Variants in RFX3 observed in about 807,000 individuals in gnomAD.
RFX3 encodes the protein transcription factor RFX3.
Under a neutral mutation model 98.6 loss-of-function variants are expected in RFX3, and 14 were observed. The ratio of observed to expected loss-of-function variants is 0.14; its 90% CI spans 0.09 to 0.22. RFX3 has a LOEUF of 0.22. RFX3 is among the 10% of genes least tolerant of loss of function. The pLI is 1.00. For synonymous variants in RFX3, 383 were observed against 328.4 expected, an observed-to-expected ratio of 1.17 and a Z score of -1.80; for missense variants, 639 against 926.9, an observed-to-expected ratio of 0.69 and a Z score of 4.03.
At chr9:3,387,366 A>G (rs1171334615) in intron 2 of RFX3, among the ~76,000 whole-genome samples, 1 of 152,132 alleles carries the variant, frequency 6.6e-6, no homozygotes, top group African/African-American at 2.4e-5. Context: ...CTAACTCTGG[A>G]TAAAAAAAAA....
intron 1 of RFX3, among the ~76,000 whole-genome samples, chr9:3,398,614 G>A (rs1841142589): frequency 6.6e-6 from 1 of 152,094 alleles, no homozygotes; most frequent in South Asian, 2.1e-4. Context: ...CCTTTAAGCT[G>A]TTCAACTAAG....
chr9:3,463,532 A>G (rs902705369), intron 1 of RFX3, among the ~76,000 whole-genome samples: 5 of 152,164 alleles, frequency 3.3e-5, no homozygotes, highest in Admixed American at 6.5e-5. Context: ...ATTCTTTGAA[A>G]AGGCACACTT....
intron 4 of RFX3, among the ~76,000 whole-genome samples, chr9:3,325,905 T>C (rs904406468): frequency 6.6e-6 from 1 of 152,140 alleles, no homozygotes; most frequent in Non-Finnish European, 1.5e-5. Flanking sequence ...TATGTTGATA[T>C]AGTTAGAAGA....
At chr9:3,256,956 TGAA>T in intron 14 of RFX3, 32 bp downstream of exon 14, 1 of 1,571,760 alleles carries the variant, frequency 6.4e-7, no homozygotes, top group South Asian at 1.1e-5. Context: ...TTGCAGAATA[TGAA>T]GAAGAAAGCC....
chr9:3,484,134 G>T (rs1850048960), intron 1 of RFX3, among the ~76,000 whole-genome samples: 1 of 152,178 alleles, frequency 6.6e-6, no homozygotes, highest in Non-Finnish European at 1.5e-5. Context: ...ATCTCACTTA[G>T]TTCAGGTTTT....
At chr9:3,518,220 G>A (rs1025929537) in intron 1 of RFX3, among the ~76,000 whole-genome samples, 6 of 152,142 alleles carry the variant, frequency 3.9e-5, no homozygotes, top group Non-Finnish European at 5.9e-5. Context: ...GTAATTCTCA[G>A]AACATATCCA....
rs568602891 is a variant in RFX3 at position 3,392,057 on chromosome 9, C to A, written c.117+3415G>T. Among the ~76,000 whole-genome samples the A allele has an allele frequency of 4.6e-5, 7 of 152,250 alleles. No individual in the cohort carries two copies. In the East Asian group the frequency reaches 1.2e-3, roughly 25 times the overall value. ...GACAAGTCTTCTTAAAAAAATTGAC[C>A]AGCCAAAGAGGGCAAACAAAGATAC... On this transcript the variant is annotated intron_variant, in intron 2 of 16. Transcript: ENST00000617270.
chr9:3,335,434 T>G (rs1833056658), intron 3 of RFX3, among the ~76,000 whole-genome samples: 1 of 152,212 alleles, frequency 6.6e-6, no homozygotes, highest in South Asian at 2.1e-4. Context: ...AATATATTCT[T>G]CATATGAGTT....
intron 4 of RFX3, among the ~76,000 whole-genome samples, chr9:3,329,450 C>T (rs186175127): frequency 7.4e-6 from 1 of 134,912 alleles, no homozygotes; most frequent in Admixed American, 7.4e-5. Context: ...CAAACAATAA[C>T]CCACTGTGTT....
At chr9:3,496,883 A>C (rs1851142773) in intron 1 of RFX3, among the ~76,000 whole-genome samples, 1 of 152,042 alleles carries the variant, frequency 6.6e-6, no homozygotes, top group African/African-American at 2.4e-5. Context: ...TGTATGTGGA[A>C]CTGGCATACA....
At chr9:3,339,345 T>C (rs3012713) in intron 3 of RFX3, among the ~76,000 whole-genome samples, 26,594 of 152,072 alleles carry the variant, frequency 0.17, 2,389 homozygotes, top group Middle Eastern at 0.22. Context: ...AATGGCATTA[T>C]AAAAGATTTG....
intron 11 of RFX3, among the ~76,000 whole-genome samples, chr9:3,269,708 G>T (rs1469688065): frequency 6.6e-6 from 1 of 152,096 alleles, no homozygotes; most frequent in Non-Finnish European, 1.5e-5. Flanking sequence ...TTCATAGTGG[G>T]ATTACAATGC....
At position 3,434,316 on chromosome 9, in the gene RFX3, T is replaced by C. The variant is rs1004607034; in HGVS notation, c.-8-38720A>G. On this transcript the variant is annotated intron_variant, in intron 1 of 16. Coordinates refer to ENST00000617270, the MANE Select transcript of RFX3 (RefSeq NM_001282116.2). ...TAACAGAATATACCACTCTGCCTTATATCATTATTAAGTGTGTCATCCTTT... is the reference window on the plus strand; with the variant it reads ...TAACAGAATATACCACTCTGCCTTACATCATTATTAAGTGTGTCATCCTTT... 5.3e-5 allele frequency among the ~76,000 whole-genome samples: 8 copies of C among 152,166 alleles called. No homozygotes were observed. In the South Asian group the frequency reaches 1.4e-3, roughly 28 times the overall value.
rs1452236886 is a variant in RFX3, at chr9:3,235,542, A to G, written c.1969-6653T>C. On this transcript the variant is annotated intron_variant, in intron 15 of 16. Coordinates refer to ENST00000617270, the MANE Select transcript of RFX3 (RefSeq NM_001282116.2). Reference sequence around the variant, plus strand: ...TGTCATTCTGGAGGTCAGAAGTTCTAAATGGGTTTGCAGTCACTAAAATCA... The same window carrying G: ...TGTCATTCTGGAGGTCAGAAGTTCTGAATGGGTTTGCAGTCACTAAAATCA... Among the ~76,000 whole-genome samples the G allele has an allele frequency of 2.6e-5, 4 of 152,350 alleles. No individual in the cohort carries two copies. The East Asian group carries it at 7.7e-4, about 29-fold the overall frequency.
Position 3,232,771 on chromosome 9 carries a change from T to TGAGAGAGA in RFX3, c.1969-3890_1969-3883dup, listed in dbSNP as rs36070658. Among the ~76,000 whole-genome samples, 275 of 132,394 alleles carry TGAGAGAGA rather than the reference T, an allele frequency of 2.1e-3. 1 individual carries two copies. The highest frequency in any genetic ancestry group is 7.6e-3 in the African/African-American group (262 of 34,370). 86.9% of individuals were successfully genotyped at this position (132,394 alleles called of 152,430 possible). A position where few individuals can be genotyped will look rare whatever the true frequency, so the allele number is the denominator to read the frequency against. On this transcript the variant is annotated intron_variant, in intron 15 of 16. Transcript: ENST00000617270. Reference sequence around the variant, plus strand: ...CAGATATTCTCCTTGGTTTAGAATCTGAGAGAGAGAGAGAGAGAGAGAGAG... The same window carrying TGAGAGAGA: ...CAGATATTCTCCTTGGTTTAGAATCTGAGAGAGAGAGAGAGAGAGAGAGAGAGAGAGAG...
intron 1 of RFX3, 86 bp from the exon 2 acceptor site, chr9:3,395,682 T>A: frequency 7.1e-7 from 1 of 1,409,064 alleles, no homozygotes; most frequent in East Asian, 2.4e-5. Context: ...AATCCTATAC[T>A]GAAACTAACT....
chr9:3,236,168 T>C (rs1819129270), intron 15 of RFX3, among the ~76,000 whole-genome samples: 1 of 152,192 alleles, frequency 6.6e-6, no homozygotes, highest in Non-Finnish European at 1.5e-5. Flanking sequence ...CACTAGTACA[T>C]TTGTACTTTA....
chr9:3,342,629 G>A (rs868125293), intron 3 of RFX3, among the ~76,000 whole-genome samples: 34 of 151,778 alleles, frequency 2.2e-4, no homozygotes, highest in African/African-American at 7.3e-4. Context: ...GGGGAAGTAT[G>A]AGTCAAAAAA....
In RFX3 at chr9:3,218,434, T is replaced by A. The variant is rs1817184939; in HGVS notation, c.*6608A>T. 6.6e-6 allele frequency: 1 copy of A among 152,162 alleles called. No homozygotes were observed. Among genetic ancestry groups the A allele is most frequent in the African/African-American group, 2.4e-5 (1 of 41,444 alleles). The allele number at this position is 152,162 out of a possible 1,614,324, so 9.4% of individuals were successfully genotyped here. ...TACTAATATCTTTAGTATGTTCCAG[T>A]CATTTGTTTAAACAACACACTAAAA... On this transcript the variant is annotated 3_prime_UTR_variant, in exon 17 of 17. Transcript: ENST00000617270.
Sources: allele counts gnomAD v4.1 joint callset (sites outside exome capture counted in the v4.1 genomes callset), GRCh38; gene constraint gnomAD v4.1.1; transcripts MANE v1.5; gene names NCBI Gene and HGNC (gene_info 2026-07-23, HGNC 2026-07-21).